RNF216: variants seen among roughly 807,000 people sequenced by gnomAD.
RNF216 encodes E3 ubiquitin-protein ligase RNF216.
In RNF216, 72 loss-of-function variants were observed where a neutral mutation model predicts 110.8. That is an observed-to-expected ratio of 0.65 (90% CI 0.54 to 0.79). RNF216 has a LOEUF of 0.79. Among genes scored for constraint, RNF216 ranks in the 30% least tolerant of loss-of-function variants. The pLI is 0.00. For missense variants in RNF216, 1,342 were observed against 1,141.2 expected (o/e 1.18, Z -2.54); for synonymous variants, 495 against 407.5 (o/e 1.21, Z -2.59).
chr7:5,777,972 T>C (rs1178725302), intron 1 of RNF216, among the ~76,000 whole-genome samples: 1 of 152,192 alleles, frequency 6.6e-6, no homozygotes, highest in African/African-American at 2.4e-5. Flanking sequence ...AAATCAACGT[T>C]TTCAACGATC....
At chr7:5,771,498 A>T (rs1796491620) in intron 1 of RNF216, among the ~76,000 whole-genome samples, 1 of 152,208 alleles carries the variant, frequency 6.6e-6, no homozygotes, top group African/African-American at 2.4e-5. Context: ...ATGTTAACTG[A>T]AAAGAAAAAG....
chr7:5,711,024 C>T (rs1374882465), intron 13 of RNF216, among the ~76,000 whole-genome samples: 2 of 152,152 alleles, frequency 1.3e-5, no homozygotes, highest in East Asian at 1.9e-4. Context: ...CTAATCTCTA[C>T]CTTAATTTCT....
At chr7:5,745,844 C>T (rs568287242) in intron 3 of RNF216, among the ~76,000 whole-genome samples, 6 of 145,786 alleles carry the variant, frequency 4.1e-5, no homozygotes, top group Admixed American at 7.0e-5. Flanking sequence ...TGCAGTGAGC[C>T]GAGATCAGGC....
intron 14 of RNF216, among the ~76,000 whole-genome samples, chr7:5,651,946 C>G (rs1157271498): frequency 6.6e-6 from 1 of 152,176 alleles, no homozygotes; most frequent in Non-Finnish European, 1.5e-5. Flanking sequence ...TGCGCCTGGC[C>G]TGCATTTTAA....
chr7:5,768,061 G>A (rs963198464), intron 1 of RNF216, among the ~76,000 whole-genome samples: 15 of 151,884 alleles, frequency 9.9e-5, no homozygotes, highest in South Asian at 2.1e-4. Flanking sequence ...ATGATTTGCC[G>A]GTACTCTAAT....
At chr7:5,745,216 G>C (rs985581367) in intron 3 of RNF216, among the ~76,000 whole-genome samples, 1 of 152,034 alleles carries the variant, frequency 6.6e-6, no homozygotes, top group Admixed American at 6.6e-5. Flanking sequence ...CCAACTAAGA[G>C]GTCAAGGAAG....
chr7:5,647,113 A>G (rs1267929321), intron 14 of RNF216, among the ~76,000 whole-genome samples: 1 of 151,696 alleles, frequency 6.6e-6, no homozygotes, highest in African/African-American at 2.4e-5. Flanking sequence ...GGAAGTTGTG[A>G]AAGGTGAAAA....
In RNF216 at chr7:5,630,723, G is replaced by A. The variant is rs539882737; in HGVS notation, c.2383-6598C>T. ...ACTCTTATAAAGCGCCAAGCACAGT[G>A]ACAACAACAGTAGTTAACATGCACT... is the stretch of plus-strand genomic sequence containing the variant. On this transcript the variant is annotated intron_variant, in intron 15 of 16. Coordinates refer to ENST00000389902, the MANE Select transcript of RNF216 (RefSeq NM_207111.4). 7.9e-5 allele frequency among the ~76,000 whole-genome samples: 12 copies of A among 152,236 alleles called. No homozygotes were observed. In the South Asian group the frequency reaches 2.1e-3, roughly 26 times the overall value.
intron 15 of RNF216, among the ~76,000 whole-genome samples, chr7:5,633,898 C>A (rs2128561165): frequency 6.6e-6 from 1 of 152,294 alleles, no homozygotes; most frequent in East Asian, 1.9e-4. Context: ...AACATCCTCC[C>A]TTAGCTTGTC....
intron 13 of RNF216, among the ~76,000 whole-genome samples, chr7:5,668,929 C>T (rs1408686205): frequency 1.3e-5 from 2 of 152,222 alleles, no homozygotes; most frequent in African/African-American, 4.8e-5. Context: ...TGACTACTTT[C>T]ACACCTTCAC....
At chr7:5,757,039 T>C (rs1456242707) in intron 2 of RNF216, among the ~76,000 whole-genome samples, 1 of 152,246 alleles carries the variant, frequency 6.6e-6, no homozygotes, top group Non-Finnish European at 1.5e-5. Flanking sequence ...TTCATTATCA[T>C]GTAATTCAAA....
chr7:5,676,482 G>A lies in RNF216; in HGVS notation c.2062-23972C>T, dbSNP rs537177667. Among the ~76,000 whole-genome samples, 142 of 152,236 alleles carry A rather than the reference G, an allele frequency of 9.3e-4. 2 individuals are homozygous for A. Among genetic ancestry groups the A allele is most frequent in the Admixed American group, 9.0e-3 (138 of 15,294 alleles). On this transcript the variant is annotated intron_variant, in intron 13 of 16. Coordinates refer to ENST00000389902, the MANE Select transcript of RNF216 (RefSeq NM_207111.4). ...AGAACTGTCGCTGGGGAACCCCACCGAGCTGCACCTGCATTGAGTACTCAG... is the reference window on the plus strand; with the variant it reads ...AGAACTGTCGCTGGGGAACCCCACCAAGCTGCACCTGCATTGAGTACTCAG...
At chr7:5,708,555 A>T (rs1792449423) in intron 13 of RNF216, among the ~76,000 whole-genome samples, 1 of 152,246 alleles carries the variant, frequency 6.6e-6, no homozygotes, top group Non-Finnish European at 1.5e-5. Context: ...ACAGTACTCA[A>T]TAAATTACAT....
chr7:5,761,983 C>G (rs578120027), intron 1 of RNF216, among the ~76,000 whole-genome samples: 23 of 152,222 alleles, frequency 1.5e-4, no homozygotes, highest in African/African-American at 5.3e-4. Context: ...CCAGGTATAT[C>G]AGCTAAAGAA....
intron 13 of RNF216, among the ~76,000 whole-genome samples, chr7:5,669,180 CG>C (rs1391793829): frequency 6.6e-6 from 1 of 152,166 alleles, no homozygotes; most frequent in Non-Finnish European, 1.5e-5. Context: ...TATGGGCGGT[CG>C]GGCTCCAGCT....
At chr7:5,631,732 T>A (rs143882264) in intron 15 of RNF216, among the ~76,000 whole-genome samples, 5 of 152,290 alleles carry the variant, frequency 3.3e-5, no homozygotes, top group African/African-American at 9.6e-5. Context: ...TTGGGAAACA[T>A]TGAACAAAAC....
At chr7:5,749,253 C>T (rs1016844229) in intron 3 of RNF216, among the ~76,000 whole-genome samples, 5 of 150,706 alleles carry the variant, frequency 3.3e-5, no homozygotes, top group African/African-American at 9.8e-5. Context: ...TGGGTTTAAG[C>T]GATTCTACTG....
intron 14 of RNF216, among the ~76,000 whole-genome samples, chr7:5,645,271 G>T (rs1245321485): frequency 6.6e-6 from 1 of 152,128 alleles, no homozygotes; most frequent in Admixed American, 6.6e-5. Context: ...ATAGACTCTT[G>T]TTCTTCATCA....
At chr7:5,689,880 G>A (rs1325675179) in intron 13 of RNF216, among the ~76,000 whole-genome samples, 1 of 151,146 alleles carries the variant, frequency 6.6e-6, no homozygotes, top group African/African-American at 2.4e-5. Flanking sequence ...GCGGGGGGTT[G>A]CAGTGAGCCA....
Sources: allele counts gnomAD v4.1 joint callset (sites outside exome capture counted in the v4.1 genomes callset), GRCh38; gene constraint gnomAD v4.1.1; transcripts MANE v1.5; gene names NCBI Gene and HGNC (gene_info 2026-07-23, HGNC 2026-07-21).